Variants in CAD observed in about 807,000 individuals in gnomAD.
CAD encodes carbamoyl-phosphate synthetase 2, aspartate transcarbamylase, and dihydroorotase, also known as multifunctional protein CAD.
In CAD, 81 loss-of-function variants were observed where a neutral mutation model predicts 237.2. The observed-to-expected ratio is 0.34, with a 90% confidence interval of 0.29 to 0.41. The LOEUF is 0.41. Among genes scored for constraint, CAD ranks in the 10% least tolerant of loss-of-function variants. The pLI is 1.00. For synonymous variants in CAD, 1,196 were observed against 1,162.8 expected, an observed-to-expected ratio of 1.03 and a Z score of -0.58; for missense variants, 2,181 against 2,951.7, an observed-to-expected ratio of 0.74 and a Z score of 6.05.
In CAD at chr2:27,217,598, C is replaced by T. The variant is rs1674927461; in HGVS notation, c.47C>T (p.Pro16Leu). The T allele has an allele frequency of 6.2e-7, 1 of 1,608,786 alleles. No individual in the cohort carries two copies. Among genetic ancestry groups the T allele is most frequent in the Non-Finnish European group, 8.5e-7 (1 of 1,178,014 alleles). ...LEDGSVLRGQ[P>L]FGAAVSTAGE... Reference sequence around the variant, plus strand: ...GACGGGTCGGTCCTGCGGGGCCAGCCCTTTGGGGCCGCCGTGTCGACTGCC... The same window carrying T: ...GACGGGTCGGTCCTGCGGGGCCAGCTCTTTGGGGCCGCCGTGTCGACTGCC... The change falls in exon 1 of 44, where the codon CCC (proline) becomes CTC (leucine). Residue 16 changes from proline (P) to leucine (L), a missense_variant. Around this residue, in one of 12 missense-constraint regions of CAD, gnomAD observed 314 missense variants for 339.4 expected, o/e 0.93. Transcript: ENST00000264705.
Position 27,224,374 on chromosome 2 carries a change from C to T in CAD, c.1138C>T (p.Pro380Ser), listed in dbSNP as rs368071348. 8.5e-5 allele frequency: 138 copies of T among 1,614,078 alleles called. No individual in the cohort carries two copies. Among genetic ancestry groups the T allele is most frequent in the Non-Finnish European group, 1.1e-4 (124 of 1,180,040 alleles). ...AGAGCGGCTGACTGAGCGCCTCTGTCCCCCTGGGATTCCCACTCCCGGCTC... is the reference window on the plus strand; with the variant it reads ...AGAGCGGCTGACTGAGCGCCTCTGTTCCCCTGGGATTCCCACTCCCGGCTC... Reference protein sequence around the residue: ...VRERLTERLCPPGIPTPGSGL... With the variant: ...VRERLTERLCSPGIPTPGSGL... Residue 380 changes from proline (P) to serine (S), a missense_variant, in exon 9 of 44, where the codon CCC becomes TCC. By Grantham distance (74) the Pro-to-Ser change is moderately conservative (BLOSUM62 -1). This residue lies in a region of CAD where 129 missense variants were observed against 143.3 expected (regional missense o/e 0.90). Coordinates refer to ENST00000264705, the MANE Select transcript of CAD (RefSeq NM_004341.5).
At chr2:27,220,945 G>A (rs1363452213) in intron 2 of CAD, among the ~76,000 whole-genome samples, 1 of 152,058 alleles carries the variant, frequency 6.6e-6, no homozygotes, top group African/African-American at 2.4e-5. Flanking sequence ...GTGACAGAGT[G>A]AGACTCTGTC....
In CAD at chr2:27,233,127, A is replaced by C; in HGVS notation, c.2978A>C (p.Glu993Ala). The stretch of plus-strand genomic sequence containing the variant: ...ATGTGTGATCGACTCTACTTTGATG[A>C]GATCTCTTTTGAGGTGAGGGAGATG... ...YDMCDRLYFD[E>A]ISFEVVMDIY... The change falls in exon 19 of 44, where the codon GAG becomes GCG. Residue 993 changes from glutamate to alanine, a missense_variant. Glu to Ala is a moderately radical substitution (Grantham distance 107). Around this residue, in one of 12 missense-constraint regions of CAD, gnomAD observed 385 missense variants for 535.1 expected, o/e 0.72. Transcript: ENST00000264705. The surrounding 1 kb of genome is among the most constrained non-coding windows in gnomAD (Gnocchi z 6.3). The C allele has an allele frequency of 6.2e-7, 1 of 1,612,432 alleles. No individual in the cohort carries two copies. The highest frequency in any genetic ancestry group is 8.5e-7 in the Non-Finnish European group (1 of 1,178,422).
rs1240132301 is a variant in CAD, at chr2:27,232,582, A to G, written c.2780A>G (p.Asp927Gly). 1 of 1,614,116 alleles carries G rather than the reference A, an allele frequency of 6.2e-7. No homozygotes were observed. Among genetic ancestry groups the G allele is most frequent in the Non-Finnish European group, 8.5e-7 (1 of 1,180,016 alleles). Residue 927 changes from aspartate (D) to glycine (G), a missense_variant, in exon 18 of 44, where the codon GAC becomes GGC. This residue lies in a region of CAD where 385 missense variants were observed against 535.1 expected (regional missense o/e 0.72). Coordinates refer to ENST00000264705, the MANE Select transcript of CAD (RefSeq NM_004341.5). This position sits in a 1 kb window ranked among gnomAD's most constrained non-coding sequence, Gnocchi z 4.1. Reference protein sequence around the residue: ...LYLTYWGTTHDLTFRTPHVLV... With the variant: ...LYLTYWGTTHGLTFRTPHVLV... ...CTAACGTATTGGGGCACCACCCATGACCTCACCTTTCGAACACCTCATGTC... is the reference window on the plus strand; with the variant it reads ...CTAACGTATTGGGGCACCACCCATGGCCTCACCTTTCGAACACCTCATGTC...
intron 14 of CAD, 67 bp from the exon 15 acceptor site, chr2:27,226,765 C>G (rs781073839): frequency 8.2e-5 from 132 of 1,603,430 alleles, no homozygotes; most frequent in Non-Finnish European, 8.6e-5. Flanking sequence ...ATGGAAAGAG[C>G]TATCCGGAAG....
At chr2:27,243,386 C>G (rs748105394) in intron 43 of CAD, 30 bp from the exon 44 acceptor site, 201 of 1,480,122 alleles carry the variant, frequency 1.4e-4, no homozygotes, top group Admixed American at 9.0e-4. Flanking sequence ...CACGATAACA[C>G]TTCCTTTTTT....
intron 2 of CAD, among the ~76,000 whole-genome samples, chr2:27,218,875 G>A (rs539786535): frequency 6.6e-6 from 1 of 152,260 alleles, no homozygotes; most frequent in East Asian, 1.9e-4. Flanking sequence ...TTCTTAATTT[G>A]CCTTCCCAGC....
intron 23 of CAD, 79 bp downstream of exon 23, chr2:27,234,764 G>C (rs1675920277): frequency 7.2e-7 from 1 of 1,387,006 alleles, no homozygotes; most frequent in Admixed American, 2.0e-5. Context: ...TTGTCAGTAT[G>C]TAAACCAGGC....
At chr2:27,223,480 A>C in intron 6 of CAD, 83 bp from the exon 7 acceptor site, 26 of 1,191,414 alleles carry the variant, frequency 2.2e-5, no homozygotes, top group African/African-American at 3.1e-5. Context: ...TACTGAGAAC[A>C]GGAGATCGGT....
intron 6 of CAD, 128 bp downstream of exon 6, chr2:27,223,165 T>TC (rs1675263395): frequency 4.2e-6 from 4 of 957,032 alleles, no homozygotes; most frequent in African/African-American, 3.2e-5. Context: ...GTGAGGTGGC[T>TC]CCCACCTGTA....
chr2:27,232,894 C>G lies in CAD; in HGVS notation c.2893-148C>G. The G allele has an allele frequency of 1.3e-6, 1 of 784,126 alleles. No individual in the cohort carries two copies. Among genetic ancestry groups the G allele is most frequent in the Non-Finnish European group, 2.1e-6 (1 of 471,754 alleles). The allele number at this position is 784,126 out of a possible 1,614,324, so 48.6% of individuals were successfully genotyped here. A position where few individuals can be genotyped will look rare whatever the true frequency, so the allele number is the denominator to read the frequency against. On this transcript the variant is annotated intron_variant, in intron 18 of 43. Transcript: ENST00000264705. This position sits in a 1 kb window ranked among gnomAD's most constrained non-coding sequence, Gnocchi z 4.1. The stretch of plus-strand genomic sequence containing the variant: ...TCCCCAACACTTTGTACCTCCTTCC[C>G]TCCCAAGGCAGGGGTCCTGTACAGC...
Position 27,232,408 on chromosome 2 carries a change from A to C in CAD, c.2646-40A>C. On this transcript the variant is annotated intron_variant, in intron 17 of 43. Coordinates refer to ENST00000264705, the MANE Select transcript of CAD (RefSeq NM_004341.5). The surrounding 1 kb of genome is among the most constrained non-coding windows in gnomAD (Gnocchi z 4.1). ...TCAACCCTCTATCAGTCTGTACCCT[A>C]CTCTCTGGGCCTGTGTTTCAGACCC... 2 of 1,611,958 alleles carry C rather than the reference A, an allele frequency of 1.2e-6. No homozygotes were observed. The highest frequency in any genetic ancestry group is 1.7e-6 in the Non-Finnish European group (2 of 1,179,254).
chr2:27,241,614 C>G lies in CAD; in HGVS notation c.5883+218C>G, dbSNP rs530842702. On this transcript the variant is annotated intron_variant, in intron 38 of 43. Transcript: ENST00000264705. The surrounding 1 kb of genome is among the most constrained non-coding windows in gnomAD (Gnocchi z 4.6). ...AGGCCCTGAGCATGAGACCATCGCC[C>G]CACTAGTGGGGTCTTCTGGTCTGGG... Among the ~76,000 whole-genome samples, 5 of 152,324 alleles carry G rather than the reference C, an allele frequency of 3.3e-5. No individual in the cohort carries two copies. Among genetic ancestry groups the G allele is most frequent in the African/African-American group, 1.2e-4 (5 of 41,568 alleles).
intron 6 of CAD, 103 bp from the exon 7 acceptor site, chr2:27,223,460 G>T (rs1375217872): frequency 9.9e-7 from 1 of 1,012,660 alleles, no homozygotes; most frequent in Non-Finnish European, 1.5e-6. Flanking sequence ...AAAGGAAACA[G>T]GAGTGAGGCT....
In CAD at chr2:27,243,480, C is replaced by T. The variant is rs766794710; in HGVS notation, c.6640C>T (p.Arg2214Cys). 59 of 1,608,908 alleles carry T rather than the reference C, an allele frequency of 3.7e-5. No homozygotes were observed. The highest frequency in any genetic ancestry group is 1.9e-4 in the Middle Eastern group (1 of 5,324). ...FRQAENGMYI[R>C]MALLATVLGR... ...CCAGGCTGAGAACGGCATGTACATC[C>T]GCATGGCTCTGTTAGCCACCGTGCT... is the stretch of plus-strand genomic sequence containing the variant. Residue 2214 changes from arginine to cysteine, a missense_variant, in exon 44 of 44, where the codon CGC becomes TGC. This residue lies in a region of CAD where 170 missense variants were observed against 212.1 expected (regional missense o/e 0.80). Transcript: ENST00000264705.
chr2:27,218,095 C>A, intron 2 of CAD, 79 bp downstream of exon 2: 2 of 1,310,526 alleles, frequency 1.5e-6, no homozygotes, highest in Non-Finnish European at 2.1e-6. Context: ...GAGACGTTGA[C>A]ACCCTGCTGG....
At position 27,235,798 on chromosome 2, in the gene CAD, G is replaced by C; in HGVS notation, c.4074+158G>C. The C allele has an allele frequency of 1.6e-6, 1 of 622,770 alleles. No individual in the cohort carries two copies. The allele number at this position is 622,770 out of a possible 1,614,324, so 38.6% of individuals were successfully genotyped here. ...GAGAATCTCTTGAGCCCAGGAGGTAGAGGCTGCAGTGAGCTGCGAGTGTGC... is the reference window on the plus strand; with the variant it reads ...GAGAATCTCTTGAGCCCAGGAGGTACAGGCTGCAGTGAGCTGCGAGTGTGC... On this transcript the variant is annotated intron_variant, in intron 25 of 43. Transcript: ENST00000264705. This position sits in a 1 kb window ranked among gnomAD's most constrained non-coding sequence, Gnocchi z 5.2.
intron 15 of CAD, among the ~76,000 whole-genome samples, chr2:27,230,625 TAA>T (rs376994742): frequency 7.0e-6 from 1 of 142,740 alleles, no homozygotes; most frequent in African/African-American, 2.6e-5. Context: ...AAAGTCCATC[TAA>T]AAAAAAAAAA....
chr2:27,242,325 G>A lies in CAD; in HGVS notation c.6120G>A (p.Arg2040=). 1 of 1,613,298 alleles carries A rather than the reference G, an allele frequency of 6.2e-7. No individual in the cohort carries two copies. Residue 2040 remains arginine (R), a synonymous_variant, in exon 40 of 44, where the codon AGG becomes AGA. Transcript: ENST00000264705. This position sits in a 1 kb window ranked among gnomAD's most constrained non-coding sequence, Gnocchi z 6.4. ...AVELAAKHCR[R]PVINAGDGVG... ...AGCTGGCCGCCAAGCACTGCCGGAG[G>A]CCAGTGATCAATGCTGGGGATGGGG...
Sources: allele counts gnomAD v4.1 joint callset (sites outside exome capture counted in the v4.1 genomes callset), GRCh38; gene constraint gnomAD v4.1.1; regional missense constraint gnomAD v4.1.1; non-coding constraint Gnocchi (gnomAD v3.1); transcripts MANE v1.5; gene names NCBI Gene and HGNC (gene_info 2026-07-23, HGNC 2026-07-21).